The following RIPOR3 variants were observed in gnomAD, a reference collection of about 807,000 sequenced individuals.
RIPOR3 encodes family with sequence similarity 65 member C.
In RIPOR3, 95 loss-of-function variants were observed where a neutral mutation model predicts 114.3. The observed-to-expected ratio is 0.83, with a 90% CI of 0.70 to 0.99. The LOEUF is 0.99. Among genes scored for constraint, RIPOR3 ranks in the 50% least tolerant of loss-of-function variants. The probability of loss-of-function intolerance (pLI) is 0.00; values close to 1 mark genes in which losing one functional copy is unlikely to be tolerated. For missense variants in RIPOR3, 1,252 were observed against 1,266.9 expected (o/e 0.99, Z 0.18); for synonymous variants, 575 against 543.8 (o/e 1.06, Z -0.80).
intron 11 of RIPOR3, among the ~76,000 whole-genome samples, chr20:50,606,908 T>C (rs2083743201): frequency 6.6e-6 from 1 of 152,078 alleles, no homozygotes; most frequent in Admixed American, 6.6e-5. Context: ...TTTTGTGTTT[T>C]TAGTAGAGAT....
chr20:50,600,459 T>C (rs144660953), intron 13 of RIPOR3, among the ~76,000 whole-genome samples: 263 of 152,224 alleles, frequency 1.7e-3, no homozygotes, highest in Non-Finnish European at 2.6e-3. Context: ...AAAAAGGCTG[T>C]TAAAAAGTAC....
intron 2 of RIPOR3, among the ~76,000 whole-genome samples, chr20:50,621,628 T>C (rs1160872925): frequency 6.6e-6 from 1 of 152,124 alleles, no homozygotes; most frequent in Non-Finnish European, 1.5e-5. Context: ...GGGGAACATA[T>C]ACCTGGGACT....
At chr20:50,686,748 TAA>T (rs11470692) in intron 1 of RIPOR3, among the ~76,000 whole-genome samples, 8 of 142,020 alleles carry the variant, frequency 5.6e-5, no homozygotes, top group Admixed American at 7.1e-5. Context: ...GAGACTCTGT[TAA>T]AAAAAAAAAA....
intron 3 of RIPOR3, among the ~76,000 whole-genome samples, chr20:50,617,078 G>C (rs1222144607): frequency 6.6e-6 from 1 of 152,130 alleles, no homozygotes; most frequent in Non-Finnish European, 1.5e-5. Flanking sequence ...GGAGGCAGAG[G>C]TTGCAGTGAG....
chr20:50,662,248 G>A (rs2086023082), intron 1 of RIPOR3: 1 of 152,298 alleles, frequency 6.6e-6, no homozygotes, highest in African/African-American at 2.4e-5. Context: ...AAGCCAAAAG[G>A]AATTAAAAGC....
chr20:50,634,179 G>A (rs1318430149), intron 1 of RIPOR3, among the ~76,000 whole-genome samples: 1 of 151,680 alleles, frequency 6.6e-6, no homozygotes, highest in Non-Finnish European at 1.5e-5. Context: ...ATAGGGTTTC[G>A]CCATGTTGTC....
rs376632252 is a variant in RIPOR3, at chr20:50,611,167, G to A, written c.372+14C>T. ...CCAGGCCCAGCCCACCTCACTCACC[G>A]TATGCAGACTCACCTTGTCCAGGTC... On this transcript the variant is annotated intron_variant, in intron 5 of 21. Coordinates refer to ENST00000327979, the MANE Select transcript of RIPOR3 (RefSeq NM_001290268.2). 2.2e-5 allele frequency: 36 copies of A among 1,614,040 alleles called. No individual in the cohort carries two copies. The highest frequency in any genetic ancestry group is 4.5e-5 in the East Asian group (2 of 44,892).
chr20:50,639,664 T>C (rs557736158), intron 1 of RIPOR3, among the ~76,000 whole-genome samples: 102 of 152,138 alleles, frequency 6.7e-4, no homozygotes, highest in Non-Finnish European at 1.3e-3. Flanking sequence ...GCCCAGGAAG[T>C]TTGAGGCCAG....
chr20:50,656,008 CTTTTT>C (rs2085797968), intron 1 of RIPOR3, among the ~76,000 whole-genome samples: 1 of 150,974 alleles, frequency 6.6e-6, no homozygotes, highest in African/African-American at 2.4e-5. Flanking sequence ...CTTTTTTTTT[CTTTTT>C]TTCTTTTTTT....
chr20:50,608,728 C>T lies in RIPOR3; in HGVS notation c.695G>A (p.Arg232His), dbSNP rs776408095. The T allele has an allele frequency of 9.9e-6, 16 of 1,614,004 alleles. No homozygotes were observed. Among genetic ancestry groups the T allele is most frequent in the South Asian group, 4.4e-5 (4 of 91,084 alleles). Residue 232 changes from arginine to histidine, a missense_variant, in exon 10 of 22, where the codon CGT (arginine) becomes CAT (histidine). Transcript: ENST00000327979. Reference protein sequence around the residue: ...CPGDHYEVLMRLGRQRWKLKG... With the variant: ...CPGDHYEVLMHLGRQRWKLKG... ...GAGCTTCCAACGCTGGCGGCCCAGACGCATGAGCACCTGTGAACCAGCCCG... is the reference window on the plus strand; with the variant it reads ...GAGCTTCCAACGCTGGCGGCCCAGATGCATGAGCACCTGTGAACCAGCCCG...
intron 1 of RIPOR3, among the ~76,000 whole-genome samples, chr20:50,663,035 T>C (rs1331050996): frequency 6.8e-6 from 1 of 147,090 alleles, no homozygotes; most frequent in Non-Finnish European, 1.5e-5. Context: ...AGGTGGAGGT[T>C]GCAGTGGGCC....
intron 2 of RIPOR3, among the ~76,000 whole-genome samples, chr20:50,626,277 C>A (rs2123213069): frequency 6.6e-6 from 1 of 152,350 alleles, no homozygotes; most frequent in East Asian, 1.9e-4. Context: ...GCGGCAGAGG[C>A]CAAGGCCAGG....
intron 1 of RIPOR3, among the ~76,000 whole-genome samples, chr20:50,663,335 G>A (rs938244495): frequency 6.6e-6 from 1 of 152,108 alleles, no homozygotes; most frequent in Admixed American, 6.6e-5. Flanking sequence ...TGATTGTCAG[G>A]TGGCTCACAT....
Position 50,597,695 on chromosome 20 carries a change from G to A in RIPOR3, c.1675C>T (p.Gln559Ter), listed in dbSNP as rs1459556223. The change falls in exon 14 of 22, where the codon CAG (glutamine) becomes TAG (stop). Residue 559 changes from glutamine to a stop codon, truncating the protein, a stop_gained. Transcript: ENST00000327979. LOFTEE classifies it high-confidence loss of function. ...RDRLKPCRAR[Q>*]EHTSAESLME... ...AGGCTCTCGGCCGAGGTGTGCTCCT[G>A]CCGTGCTCTGCAGGGCTGTGGACGA... 10 of 1,612,092 alleles carry A rather than the reference G, an allele frequency of 6.2e-6. No homozygotes were observed. Among genetic ancestry groups the A allele is most frequent in the Non-Finnish European group, 8.5e-6 (10 of 1,179,238 alleles).
intron 2 of RIPOR3, among the ~76,000 whole-genome samples, chr20:50,624,018 G>A (rs2084526015): frequency 6.6e-6 from 1 of 150,974 alleles, no homozygotes; most frequent in Non-Finnish European, 1.5e-5. Flanking sequence ...GTTTTTTTTA[G>A]TAGAGACAGG....
At chr20:50,647,485 T>TG (rs1381836500) in intron 1 of RIPOR3, among the ~76,000 whole-genome samples, 1 of 141,292 alleles carries the variant, frequency 7.1e-6, no homozygotes, top group Non-Finnish European at 1.6e-5. Flanking sequence ...TCTCTTTTTT[T>TG]TTTTTTTTTT....
chr20:50,594,541 A>G lies in RIPOR3; in HGVS notation c.2212+12T>C. On this transcript the variant is annotated intron_variant, in intron 17 of 21. Transcript: ENST00000327979. Reference sequence around the variant, plus strand: ...TCTGTGGGAGGGGACGACAGGACAGAAGGGAACCCACCTATTTCCAGCTGT... The same window carrying G: ...TCTGTGGGAGGGGACGACAGGACAGGAGGGAACCCACCTATTTCCAGCTGT... 6.2e-7 allele frequency: 1 copy of G among 1,611,540 alleles called. No homozygotes were observed. The highest frequency in any genetic ancestry group is 1.1e-5 in the South Asian group (1 of 90,888).
At chr20:50,593,516 A>C (rs565971340) in intron 17 of RIPOR3, among the ~76,000 whole-genome samples, 2 of 152,082 alleles carry the variant, frequency 1.3e-5, no homozygotes, top group Admixed American at 6.5e-5. Context: ...GGTTGTAGTG[A>C]GCCAAGATTG....
chr20:50,600,147 C>G (rs1429576578), intron 13 of RIPOR3, among the ~76,000 whole-genome samples: 1 of 152,176 alleles, frequency 6.6e-6, no homozygotes, highest in African/African-American at 2.4e-5. Context: ...AAGCAATCCA[C>G]CTGCCTTGGC....
Sources: gnomAD v4.1 joint callset for allele counts (sites outside exome capture counted in the v4.1 genomes callset) on GRCh38, gnomAD v4.1.1 for gene constraint, MANE v1.5 for transcripts, NCBI Gene and HGNC (gene_info 2026-07-23, HGNC 2026-07-21) for gene names.